MTCL1: variants seen among roughly 807,000 people sequenced by gnomAD.
The protein encoded by MTCL1 is microtubule cross-linking factor 1.
In MTCL1, 79 loss-of-function variants were observed where a neutral mutation model predicts 141.4. The observed-to-expected ratio is 0.56, with a 90% confidence interval of 0.47 to 0.67. The LOEUF is 0.67. Among genes scored for constraint, MTCL1 ranks in the 30% least tolerant of loss-of-function variants. The pLI is 0.00. For synonymous variants in MTCL1, 914 were observed against 875.8 expected (o/e 1.04, Z -0.77); for missense variants, 2,177 against 2,113.9 (o/e 1.03, Z -0.59).
In MTCL1 at chr18:8,828,947, C is replaced by A. The variant is rs773511873; in HGVS notation, c.*1C>A. On this transcript the variant is annotated 3_prime_UTR_variant, in exon 16 of 17. Coordinates refer to ENST00000359865, the Ensembl canonical transcript of MTCL1. This position sits in a 1 kb window ranked among gnomAD's most constrained non-coding sequence, Gnocchi z 5.2. Reference sequence around the variant, plus strand: ...GCTAACTGCCCCCTGGGGACTCTAGCCCTGCCCGCCTCACGCTGTAAGTGC... The same window carrying A: ...GCTAACTGCCCCCTGGGGACTCTAGACCTGCCCGCCTCACGCTGTAAGTGC... 6.2e-7 allele frequency: 1 copy of A among 1,614,232 alleles called. No homozygotes were observed. The highest frequency in any genetic ancestry group is 1.1e-5 in the South Asian group (1 of 91,086).
chr18:8,790,635 T>A (rs1373894660), intron 7 of MTCL1, among the ~76,000 whole-genome samples: 2 of 152,192 alleles, frequency 1.3e-5, no homozygotes, highest in African/African-American at 4.8e-5. Context: ...AAACACTGCA[T>A]AAAATAGAAA....
At chr18:8,717,240 G>A, upstream of MTCL1, 1 of 152,174 alleles carries the variant, frequency 6.6e-6, no homozygotes. Context: ...ACTATTAGAT[G>A]GCACTCAGAG....
intron 16 of MTCL1, chr18:8,829,558 G>GA (rs1388099822): frequency 1.0e-6 from 1 of 982,072 alleles, no homozygotes; most frequent in Non-Finnish European, 1.2e-6. Context: ...CAAATATCTT[G>GA]AGACCTTCCC....
At chr18:8,826,068 G>A in exon 15 of MTCL1, 1 of 1,610,894 alleles carries the variant, frequency 6.2e-7, no homozygotes, top group Non-Finnish European at 8.5e-7. Flanking sequence ...GGACTTATCT[G>A]CTCCCCCTGG....
rs757896343 is a variant in MTCL1 at position 8,822,179 on chromosome 18, C to G, written c.3188+681C>G. Reference sequence around the variant, plus strand: ...CAGATCTCTGCAGCACCTAGCCATGCCTGTGGCACACTTCTGTCCTTCACG... The same window carrying G: ...CAGATCTCTGCAGCACCTAGCCATGGCTGTGGCACACTTCTGTCCTTCACG... On this transcript the variant is annotated intron_variant, in intron 14 of 16. Transcript: ENST00000359865. The surrounding 1 kb of genome is among the most constrained non-coding windows in gnomAD (Gnocchi z 4.6). Among the ~76,000 whole-genome samples the G allele has an allele frequency of 1.5e-4, 23 of 152,220 alleles. No homozygotes were observed. The highest frequency in any genetic ancestry group is 3.1e-4 in the Non-Finnish European group (21 of 68,050).
At chr18:8,780,055 G>C (rs1379850187) in intron 5 of MTCL1, among the ~76,000 whole-genome samples, 1 of 152,188 alleles carries the variant, frequency 6.6e-6, no homozygotes, top group Non-Finnish European at 1.5e-5. Context: ...AGGGGGTGCA[G>C]ATAAGCACGT....
At chr18:8,708,204 T>C (rs561492499) in intron 1 of MTCL1, among the ~76,000 whole-genome samples, 3 of 152,234 alleles carry the variant, frequency 2.0e-5, no homozygotes, top group Non-Finnish European at 4.4e-5. Flanking sequence ...GCATAACCCC[T>C]GACTTACTTT....
intron 10 of MTCL1, 40 bp from the exon 10 acceptor site, chr18:8,806,853 C>A: frequency 6.2e-7 from 1 of 1,602,746 alleles, no homozygotes; most frequent in East Asian, 2.2e-5. Context: ...AAAAAATACG[C>A]TTAAAGGAGG....
intron 4 of MTCL1, among the ~76,000 whole-genome samples, chr18:8,757,619 C>T (rs1168681802): frequency 1.3e-5 from 2 of 152,098 alleles, no homozygotes; most frequent in African/African-American, 4.8e-5. Flanking sequence ...CAGGAAGGGG[C>T]GTGTGTGCAA....
intron 4 of MTCL1, among the ~76,000 whole-genome samples, chr18:8,725,790 C>CTTTTTT (rs796484848): frequency 1.2e-3 from 72 of 61,070 alleles, no homozygotes; most frequent in East Asian, 4.6e-3. Context: ...TTTTTTTTTT[C>CTTTTTT]TTTTTTTTTT....
intron 5 of MTCL1, among the ~76,000 whole-genome samples, chr18:8,778,918 A>G (rs2726346): frequency 0.38 from 57,165 of 152,126 alleles, 12,613 homozygotes; most frequent in East Asian, 0.64. Flanking sequence ...AGGGTAAAAC[A>G]GGCCAGGAAC....
intron 4 of MTCL1, among the ~76,000 whole-genome samples, chr18:8,754,614 T>C (rs1189332871): frequency 6.6e-6 from 1 of 152,220 alleles, no homozygotes; most frequent in African/African-American, 2.4e-5. Flanking sequence ...TTGTAAGATT[T>C]TGATGGAATC....
At chr18:8,775,118 G>A (rs545477726) in intron 4 of MTCL1, among the ~76,000 whole-genome samples, 1 of 152,232 alleles carries the variant, frequency 6.6e-6, no homozygotes, top group East Asian at 1.9e-4. Context: ...CTTTCAGTGC[G>A]TACATTGGGA....
intron 1 of MTCL1, among the ~76,000 whole-genome samples, chr18:8,710,285 A>G (rs1348557338): frequency 6.6e-6 from 1 of 151,420 alleles, no homozygotes; most frequent in Non-Finnish European, 1.5e-5. Flanking sequence ...ACTAGGTGAA[A>G]AATGCAAAAT....
exon 1 of MTCL1, chr18:8,706,092 T>G (rs1397839386): frequency 8.3e-7 from 1 of 1,204,724 alleles, no homozygotes; most frequent in African/African-American, 1.6e-5. Context: ...TGTCCCGGGC[T>G]GGGAAGCCTC....
At chr18:8,805,647 GT>G (rs1201169496) in intron 10 of MTCL1, among the ~76,000 whole-genome samples, 6 of 152,168 alleles carry the variant, frequency 3.9e-5, no homozygotes, top group Non-Finnish European at 7.3e-5. Flanking sequence ...GGGAGGAGAG[GT>G]TTATCAAGTT....
chr18:8,830,745 G>A lies in MTCL1; in HGVS notation c.*19-862G>A. On this transcript the variant is annotated intron_variant, in intron 16 of 16. Transcript: ENST00000359865. The surrounding 1 kb of genome is among the most constrained non-coding windows in gnomAD (Gnocchi z 6.4). Reference sequence around the variant, plus strand: ...ATGCTGGGCAACTCAGTTTTCTCATGCCACAGCTTTTTACATTTCTGTGTA... The same window carrying A: ...ATGCTGGGCAACTCAGTTTTCTCATACCACAGCTTTTTACATTTCTGTGTA... 1.0e-6 allele frequency: 1 copy of A among 985,378 alleles called. No individual in the cohort carries two copies. The allele number at this position is 985,378 out of a possible 1,614,324, so 61.0% of individuals were successfully genotyped here.
intron 4 of MTCL1, among the ~76,000 whole-genome samples, chr18:8,775,426 A>AT (rs2096503155): frequency 6.7e-6 from 1 of 150,140 alleles, no homozygotes; most frequent in African/African-American, 2.4e-5. Context: ...AAAAAAAAAA[A>AT]GCTGCGCATG....
exon 12 of MTCL1, chr18:8,812,987 G>A: frequency 1.2e-6 from 2 of 1,609,986 alleles, no homozygotes; most frequent in African/African-American, 1.3e-5. Flanking sequence ...AGCTGGAAGA[G>A]AAGACTGAGA....
Sources: gnomAD v4.1 joint callset for allele counts (sites outside exome capture counted in the v4.1 genomes callset) on GRCh38, gnomAD v4.1.1 for gene constraint, Gnocchi (gnomAD v3.1) non-coding constraint, MANE v1.5 for transcripts, NCBI Gene and HGNC (gene_info 2026-07-23, HGNC 2026-07-21) for gene names.